Variants in KCNU1 observed in about 807,000 individuals in gnomAD.
KCNU1 encodes the protein potassium calcium-activated channel subfamily U member 1.
Under a neutral mutation model 126.8 loss-of-function variants are expected in KCNU1, and 93 were observed. The ratio of observed to expected loss-of-function variants is 0.73; its 90% CI spans 0.62 to 0.87. The LOEUF (loss-of-function observed/expected upper bound fraction) is 0.87. Ranked by LOEUF, KCNU1 falls within the 40% of genes least tolerant of loss-of-function variation. The pLI, the probability that KCNU1 is intolerant of heterozygous loss-of-function variation, is 0.00. For missense variants in KCNU1, 1,330 were observed against 1,367.1 expected (o/e 0.97, Z 0.43); for synonymous variants, 523 against 494.2 (o/e 1.06, Z -0.77).
At chr8:36,787,073 G>C (rs547480177) in intron 1 of KCNU1, among the ~76,000 whole-genome samples, 1 of 152,262 alleles carries the variant, frequency 6.6e-6, no homozygotes, top group South Asian at 2.1e-4. Context: ...AAGACATGGA[G>C]GAAGACTGCA....
At chr8:36,851,823 CTGAA>C (rs751332847) in intron 18 of KCNU1, among the ~76,000 whole-genome samples, 13 of 152,130 alleles carry the variant, frequency 8.5e-5, no homozygotes, top group Non-Finnish European at 1.8e-4. Flanking sequence ...TGCAACCTCA[CTGAA>C]TGTGTTTATT....
intron 10 of KCNU1, among the ~76,000 whole-genome samples, chr8:36,826,281 C>T (rs1804319869): frequency 6.6e-6 from 1 of 151,956 alleles, no homozygotes; most frequent in African/African-American, 2.4e-5. Context: ...CTGATCTTGG[C>T]TCACTGCAAC....
intron 26 of KCNU1, among the ~76,000 whole-genome samples, chr8:36,934,891 G>T (rs1313930372): frequency 6.6e-6 from 1 of 152,068 alleles, no homozygotes; most frequent in Non-Finnish European, 1.5e-5. Flanking sequence ...ATATTCTTTA[G>T]GGTTCATTAA....
In KCNU1 at chr8:36,836,831, C is replaced by T. The variant is rs144109450; in HGVS notation, c.1404C>T (p.Thr468=). The T allele has an allele frequency of 2.2e-4, 357 of 1,613,672 alleles. 1 individual carries two copies. The highest frequency in any genetic ancestry group is 5.0e-4 in the Middle Eastern group (3 of 6,058). ...LPKIPSWNWD[T]GDNIICFAEL... ...AGATTCCCAGCTGGAACTGGGACACCGGAGACAACATCATCTGCTTTGCTG... is the reference window on the plus strand; with the variant it reads ...AGATTCCCAGCTGGAACTGGGACACTGGAGACAACATCATCTGCTTTGCTG... Residue 468 remains threonine (T), a synonymous_variant, in exon 14 of 27, where the codon ACC becomes ACT. Transcript: ENST00000399881.
At chr8:36,794,447 G>A (rs531856162) in intron 2 of KCNU1, among the ~76,000 whole-genome samples, 144 of 152,104 alleles carry the variant, frequency 9.5e-4, no homozygotes, top group African/African-American at 3.3e-3. Flanking sequence ...ATACACATAT[G>A]TATAATTAAT....
intron 7 of KCNU1, among the ~76,000 whole-genome samples, chr8:36,811,188 A>G (rs1258120104): frequency 6.6e-6 from 1 of 152,176 alleles, no homozygotes; most frequent in Non-Finnish European, 1.5e-5. Flanking sequence ...ACCTACTGTA[A>G]ATATCATTAG....
intron 18 of KCNU1, among the ~76,000 whole-genome samples, chr8:36,859,186 G>A (rs951551193): frequency 6.6e-6 from 1 of 152,192 alleles, no homozygotes; most frequent in African/African-American, 2.4e-5. Flanking sequence ...TTTAGAAAGA[G>A]GCTGCTTGAC....
chr8:36,934,522 C>T (rs1456904609), intron 26 of KCNU1, among the ~76,000 whole-genome samples: 1 of 151,938 alleles, frequency 6.6e-6, no homozygotes, highest in East Asian at 1.9e-4. Flanking sequence ...AACATGATAA[C>T]TGGGAAAATA....
intron 19 of KCNU1, among the ~76,000 whole-genome samples, chr8:36,869,953 C>G (rs1311415021): frequency 1.3e-5 from 2 of 152,082 alleles, no homozygotes; most frequent in Non-Finnish European, 2.9e-5. Flanking sequence ...ATCTATAGAC[C>G]ACCAGCCTGA....
chr8:36,838,060 G>C (rs138513321), intron 14 of KCNU1, among the ~76,000 whole-genome samples: 1 of 152,144 alleles, frequency 6.6e-6, no homozygotes, highest in Non-Finnish European at 1.5e-5. Flanking sequence ...AATTCCTTCC[G>C]TGAATGTAAA....
intron 19 of KCNU1, among the ~76,000 whole-genome samples, chr8:36,895,325 C>T (rs113660508): frequency 0.017 from 2,563 of 152,060 alleles, 77 homozygotes; most frequent in African/African-American, 0.059. Context: ...GTAATCTGCC[C>T]CCCTCAGCCT....
chr8:36,896,804 T>C (rs959180755), intron 19 of KCNU1, among the ~76,000 whole-genome samples: 1 of 152,054 alleles, frequency 6.6e-6, no homozygotes, highest in South Asian at 2.1e-4. Flanking sequence ...AAAGAGATTA[T>C]AGGAAAACAT....
chr8:36,851,381 CTCTCTA>C (rs775789172), intron 18 of KCNU1, among the ~76,000 whole-genome samples: 15,492 of 147,344 alleles, frequency 0.11, 1,058 homozygotes, highest in Non-Finnish European at 0.16. Context: ...CCTTCTCTCT[CTCTCTA>C]TCTCTCTCTC....
At chr8:36,914,257 G>C (rs1313773470) in intron 22 of KCNU1, among the ~76,000 whole-genome samples, 1 of 152,202 alleles carries the variant, frequency 6.6e-6, no homozygotes, top group Non-Finnish European at 1.5e-5. Flanking sequence ...CTAGGGGATA[G>C]AGTGGTTCTC....
intron 18 of KCNU1, among the ~76,000 whole-genome samples, chr8:36,859,255 A>G (rs925273922): frequency 6.6e-6 from 1 of 152,206 alleles, no homozygotes; most frequent in Non-Finnish European, 1.5e-5. Context: ...TTAACTTTCA[A>G]AAAGGGCTTA....
At chr8:36,853,246 A>T (rs1237336731) in intron 18 of KCNU1, among the ~76,000 whole-genome samples, 1 of 152,174 alleles carries the variant, frequency 6.6e-6, no homozygotes, top group Non-Finnish European at 1.5e-5. Context: ...GCTACTCGGG[A>T]GGCTGAGGCA....
Position 36,857,307 on chromosome 8 carries a change from C to G in KCNU1, c.1892-7097C>G, listed in dbSNP as rs533202521. Among the ~76,000 whole-genome samples the G allele has an allele frequency of 3.9e-5, 6 of 152,312 alleles. No individual in the cohort carries two copies. The East Asian group carries it at 1.2e-3, about 29-fold the overall frequency. On this transcript the variant is annotated intron_variant, in intron 18 of 26. Coordinates refer to ENST00000399881, the MANE Select transcript of KCNU1 (RefSeq NM_001031836.3). ...TGAGAGCTGTGAAGAGTAAGACAGT[C>G]TCTATCCTCTAGGCTACACTCACCT...
At chr8:36,830,426 C>A (rs1804492813) in intron 10 of KCNU1, among the ~76,000 whole-genome samples, 1 of 151,892 alleles carries the variant, frequency 6.6e-6, no homozygotes, top group Non-Finnish European at 1.5e-5. Flanking sequence ...AGAAATATTT[C>A]TATCAATTTG....
At chr8:36,826,625 A>G (rs915299820) in intron 10 of KCNU1, among the ~76,000 whole-genome samples, 4 of 152,038 alleles carry the variant, frequency 2.6e-5, no homozygotes, top group African/African-American at 4.8e-5. Flanking sequence ...AGCTCTTTTT[A>G]TGTGTTTAAT....
Sources: allele counts gnomAD v4.1 joint callset (sites outside exome capture counted in the v4.1 genomes callset), GRCh38; gene constraint gnomAD v4.1.1; transcripts MANE v1.5; gene names NCBI Gene and HGNC (gene_info 2026-07-23, HGNC 2026-07-21).